The following CIPC variants were observed in gnomAD, a reference collection of about 807,000 sequenced individuals.
CIPC encodes the protein CLOCK-interacting pacemaker.
In CIPC, 12 loss-of-function variants were observed where a neutral mutation model predicts 26.7. That is an observed-to-expected ratio of 0.45 (90% confidence interval 0.29 to 0.73). The LOEUF (loss-of-function observed/expected upper bound fraction) is 0.73. Among genes scored for constraint, CIPC ranks in the 30% least tolerant of loss-of-function variants. The pLI is 0.12. For missense variants in CIPC, 417 were observed against 486.5 expected (o/e 0.86, Z 1.34); for synonymous variants, 170 against 189.8 (o/e 0.90, Z 0.86).
At position 77,113,798 on chromosome 14, in the gene CIPC, C is replaced by T. The variant is rs1387174841; in HGVS notation, c.680C>T (p.Ala227Val). 1 of 1,614,164 alleles carries T rather than the reference C, an allele frequency of 6.2e-7. No homozygotes were observed. Among genetic ancestry groups the T allele is most frequent in the South Asian group, 1.1e-5 (1 of 91,074 alleles). Residue 227 changes from alanine (A) to valine (V), a missense_variant, in exon 4 of 4, where the codon GCT becomes GTT. Coordinates refer to ENST00000361786, the MANE Select transcript of CIPC (RefSeq NM_033426.3). ...PPSAKLAEDSALQGVPSLVAG... is the reference protein window; with the variant it reads ...PPSAKLAEDSVLQGVPSLVAG... ...AGCGCCAAACTTGCCGAGGACTCAG[C>T]TCTGCAGGGTGTGCCCTCTCTGGTG...
rs1008091600 is a variant in CIPC at position 77,114,517 on chromosome 14, C to G, written c.*199C>G. 3.5e-6 allele frequency: 2 copies of G among 570,582 alleles called. No homozygotes were observed. The highest frequency in any genetic ancestry group is 3.7e-5 in the African/African-American group (2 of 53,458). 35.3% of individuals were successfully genotyped at this position (570,582 alleles called of 1,614,324 possible). ...GCACAGGATACATATGTCCCCGTCC[C>G]ACTGAGGACCTCAGTTTGGGAGTGC... On this transcript the variant is annotated 3_prime_UTR_variant, in exon 4 of 4. Transcript: ENST00000361786.
Position 77,114,473 on chromosome 14 carries a change from G to A in CIPC, c.*155G>A. ...AGCCACGTGCCAATACCTGGCTGCTGTCTTAACTCGTAGTCTGGGCACAGG... is the reference window on the plus strand; with the variant it reads ...AGCCACGTGCCAATACCTGGCTGCTATCTTAACTCGTAGTCTGGGCACAGG... On this transcript the variant is annotated 3_prime_UTR_variant, in exon 4 of 4. Coordinates refer to ENST00000361786, the MANE Select transcript of CIPC (RefSeq NM_033426.3). 1.4e-6 allele frequency: 1 copy of A among 733,728 alleles called. No individual in the cohort carries two copies. Among genetic ancestry groups the A allele is most frequent in the African/African-American group, 1.8e-5 (1 of 56,294 alleles). The allele number at this position is 733,728 out of a possible 1,614,324, so 45.5% of individuals were successfully genotyped here. A position where few individuals can be genotyped will look rare whatever the true frequency, so the allele number is the denominator to read the frequency against.
At chr14:77,102,156 A>G (rs1191112647) in intron 1 of CIPC, among the ~76,000 whole-genome samples, 1 of 152,196 alleles carries the variant, frequency 6.6e-6, no homozygotes, top group Non-Finnish European at 1.5e-5. Context: ...AAACCCAGCA[A>G]GGTCTGTCTG....
chr14:77,107,467 A>T (rs1886611508), intron 2 of CIPC, among the ~76,000 whole-genome samples: 1 of 152,190 alleles, frequency 6.6e-6, no homozygotes, highest in Non-Finnish European at 1.5e-5. Context: ...GAGTTATTCC[A>T]GTTACCTTGG....
intron 2 of CIPC, 92 bp downstream of exon 2, chr14:77,105,936 G>A (rs1291719163): frequency 6.8e-7 from 1 of 1,461,810 alleles, no homozygotes; most frequent in Non-Finnish European, 9.4e-7. Flanking sequence ...ATAAGGATGG[G>A]ATGCTTTCAC....
In CIPC at chr14:77,110,414, A is replaced by G. The variant is rs145089404; in HGVS notation, c.306+433A>G. ...ATGCATTTATCTCAGAAGTAGAGGC[A>G]ATTTCCCTGTTTCTTATGTCATATA... On this transcript the variant is annotated intron_variant, in intron 3 of 3. Transcript: ENST00000361786. Among the ~76,000 whole-genome samples the G allele has an allele frequency of 6.1e-3, 931 of 152,298 alleles. 15 individuals are homozygous for G. The highest frequency in any genetic ancestry group is 0.021 in the African/African-American group (881 of 41,552).
chr14:77,109,041 CT>C (rs1192579902), intron 2 of CIPC, among the ~76,000 whole-genome samples: 2 of 152,152 alleles, frequency 1.3e-5, no homozygotes, highest in African/African-American at 4.8e-5. Flanking sequence ...CCAAGGACCC[CT>C]CATTTCCTTT....
rs576066281 is a variant in CIPC, at chr14:77,105,654, T to C, written c.-52-3T>C. The C allele has an allele frequency of 7.0e-6, 11 of 1,570,634 alleles. No individual in the cohort carries two copies. The South Asian group carries it at 7.1e-5, about 10-fold the overall frequency. ...TGACTTCTTATATAATTGTTTTTCA[T>C]AGGGCAGTCCAGATGAAAAGAGTAC... On this transcript the variant is annotated splice_region_variant and splice_polypyrimidine_tract_variant and intron_variant, in intron 1 of 3. Coordinates refer to ENST00000361786, the MANE Select transcript of CIPC (RefSeq NM_033426.3).
intron 1 of CIPC, among the ~76,000 whole-genome samples, chr14:77,102,701 C>T (rs1009178766): frequency 6.6e-6 from 1 of 152,134 alleles, no homozygotes; most frequent in Non-Finnish European, 1.5e-5. Flanking sequence ...ACCTAAGAAC[C>T]TAAGTAAGGT....
chr14:77,104,380 CTG>C (rs1886550836), intron 1 of CIPC, among the ~76,000 whole-genome samples: 1 of 152,208 alleles, frequency 6.6e-6, no homozygotes, highest in Non-Finnish European at 1.5e-5. Flanking sequence ...GAGTGAGACA[CTG>C]TCTCAAAAAA....
rs200682547 is a variant in CIPC, at chr14:77,114,216, C to T, written c.1098C>T (p.Ser366=). 2.5e-5 allele frequency: 40 copies of T among 1,614,178 alleles called. No individual in the cohort carries two copies. In the East Asian group the frequency reaches 8.5e-4, roughly 34 times the overall value. Residue 366 remains serine, a synonymous_variant, in exon 4 of 4, where the codon AGC becomes AGT. Transcript: ENST00000361786. ...QTQLFIEATK[S]RAPQAWAKLQ... is the part of the protein sequence containing the mutation. ...AGCTGTTTATAGAAGCCACCAAGAG[C>T]AGGGCCCCTCAGGCTTGGGCCAAGC...
intron 1 of CIPC, among the ~76,000 whole-genome samples, chr14:77,100,228 C>T (rs1459767429): frequency 7.7e-6 from 1 of 129,232 alleles, no homozygotes; most frequent in Non-Finnish European, 1.6e-5. Context: ...TATTGATTCA[C>T]TTTCTTTCTT....
chr14:77,113,609 C>A lies in CIPC; in HGVS notation c.491C>A (p.Ala164Asp), dbSNP rs1207197836. The A allele has an allele frequency of 6.2e-7, 1 of 1,614,240 alleles. No individual in the cohort carries two copies. The highest frequency in any genetic ancestry group is 1.7e-5 in the Admixed American group (1 of 60,026). The change falls in exon 4 of 4, where the codon GCC becomes GAC. Residue 164 changes from alanine (A) to aspartate (D), a missense_variant. By Grantham distance (126) the Ala-to-Asp change is moderately radical (BLOSUM62 -2). Coordinates refer to ENST00000361786, the MANE Select transcript of CIPC (RefSeq NM_033426.3). ...LPILNSYTKI[A>D]PHPGKRGLSL... ...ATTCTGAATTCTTACACCAAAATAG[C>A]CCCACATCCAGGCAAAAGGGGCCTT...
chr14:77,107,658 A>ACACACTCTCT (rs1287077545), intron 2 of CIPC, among the ~76,000 whole-genome samples: 51 of 145,260 alleles, frequency 3.5e-4, no homozygotes, highest in Non-Finnish European at 6.1e-4. Context: ...ACACACACAC[A>ACACACTCTCT]CTCTCTCTCT....
Position 77,114,205 on chromosome 14 carries a change from G to A in CIPC, c.1087G>A (p.Ala363Thr). 6.2e-7 allele frequency: 1 copy of A among 1,614,160 alleles called. No homozygotes were observed. The highest frequency in any genetic ancestry group is 8.5e-7 in the Non-Finnish European group (1 of 1,180,034). ...GGAGCAAACCCAGCTGTTTATAGAA[G>A]CCACCAAGAGCAGGGCCCCTCAGGC... is the stretch of plus-strand genomic sequence containing the variant. ...LKEQTQLFIE[A>T]TKSRAPQAWA... The change falls in exon 4 of 4, where the codon GCC becomes ACC. Residue 363 changes from alanine to threonine, a missense_variant. By Grantham distance (58) the Ala-to-Thr change is moderately conservative. Transcript: ENST00000361786.
rs529967067 is a variant in CIPC at position 77,116,864 on chromosome 14, G to A, written c.*2546G>A. ...GGCTGTAAGTAGTGATGGTTTTAGC[G>A]ATGAATAACGTAATTGGCTATGAAG... On this transcript the variant is annotated 3_prime_UTR_variant, in exon 4 of 4. Transcript: ENST00000361786. 2.6e-5 allele frequency: 4 copies of A among 152,326 alleles called. No individual in the cohort carries two copies. Among genetic ancestry groups the A allele is most frequent in the South Asian group, 4.1e-4 (2 of 4,828 alleles). 9.4% of individuals were successfully genotyped at this position (152,326 alleles called of 1,614,324 possible).
chr14:77,105,865 CCT>C lies in CIPC; in HGVS notation c.136+24_136+25del, dbSNP rs750716051. ...TTCAGGTTAAAAATATCTTATCCTTCCTCTGTTTTGTGAGTGAATGCTTTGCG... is the reference window on the plus strand; with the variant it reads ...TTCAGGTTAAAAATATCTTATCCTTCCTGTTTTGTGAGTGAATGCTTTGCG... On this transcript the variant is annotated intron_variant, in intron 2 of 3. Coordinates refer to ENST00000361786, the MANE Select transcript of CIPC (RefSeq NM_033426.3). 5.0e-6 allele frequency: 8 copies of C among 1,612,504 alleles called. No homozygotes were observed. In the East Asian group the frequency reaches 1.1e-4, roughly 22 times the overall value.
intron 1 of CIPC, among the ~76,000 whole-genome samples, 192 bp from the exon 2 acceptor site, chr14:77,105,465 G>A (rs1207116094): frequency 6.6e-6 from 1 of 152,232 alleles, no homozygotes; most frequent in Admixed American, 6.5e-5. Flanking sequence ...AGGGCAGCCA[G>A]AGGACTGTGA....
chr14:77,112,403 G>A (rs187122416), intron 3 of CIPC, among the ~76,000 whole-genome samples: 40 of 152,330 alleles, frequency 2.6e-4, no homozygotes, highest in Admixed American at 2.4e-3. Context: ...GGGTTTTAGA[G>A]TCAGACAGAG....
Sources: allele counts gnomAD v4.1 joint callset (sites outside exome capture counted in the v4.1 genomes callset), GRCh38; gene constraint gnomAD v4.1.1; transcripts MANE v1.5; gene names NCBI Gene and HGNC (gene_info 2026-07-23, HGNC 2026-07-21).